The following ADGRG4 variants were observed in gnomAD, a reference collection of about 807,000 sequenced individuals.
The protein encoded by ADGRG4 is G protein-coupled receptor 112.
ADGRG4 carries 122 observed loss-of-function variants against 126.2 expected under a neutral mutation model. The ratio of observed to expected loss-of-function variants is 0.97; its 90% CI spans 0.83 to 1.12. The LOEUF (loss-of-function observed/expected upper bound fraction) is 1.12. Ranked by LOEUF, ADGRG4 falls within the 50% of genes most tolerant of loss-of-function variation. The probability of loss-of-function intolerance (pLI) is 0.00; values close to 1 mark genes in which losing one functional copy is unlikely to be tolerated. For missense variants in ADGRG4, 2,481 were observed against 2,251.8 expected, an observed-to-expected ratio of 1.10 and a Z score of -2.06; for synonymous variants, 943 against 838.7, an observed-to-expected ratio of 1.12 and a Z score of -2.15.
chrX:136,380,244 C>G (rs1371213625), intron 15 of ADGRG4, among the ~76,000 whole-genome samples: 1 of 109,829 alleles, frequency 9.1e-6, no homozygotes, highest in Non-Finnish European at 1.9e-5. Flanking sequence ...TAAAAACAAG[C>G]CTTAGGAAGG....
chrX:136,345,992 A>T lies in ADGRG4; in HGVS notation c.2286A>T (p.Lys762Asn), dbSNP rs906867618. Residue 762 changes from lysine to asparagine, a missense_variant, in exon 6 of 26, where the codon AAA becomes AAT. By Grantham distance (94) the Lys-to-Asn change is moderately conservative. Coordinates refer to ENST00000394143, the MANE Select transcript of ADGRG4 (RefSeq NM_153834.4). ...TTAAACTTACCACTTTACTACTAAA[A>T]ACAATACCTATGTCTACAAAACCTG... is the stretch of plus-strand genomic sequence containing the variant. ...PEFKLTTLLL[K>N]TIPMSTKPAN... is the part of the protein sequence containing the mutation. The T allele has an allele frequency of 5.0e-6, 6 of 1,207,099 alleles. No individual in the cohort carries two copies. The African/African-American group carries it at 1.1e-4, about 21-fold the overall frequency.
intron 8 of ADGRG4, among the ~76,000 whole-genome samples, chrX:136,355,292 G>A (rs919819299): frequency 9.1e-6 from 1 of 110,263 alleles, no homozygotes; most frequent in Non-Finnish European, 1.9e-5. Context: ...TTCCATTCAT[G>A]AGAGTTCCAC....
chrX:136,352,167 A>G (rs2075066427), intron 7 of ADGRG4, among the ~76,000 whole-genome samples: 2 of 111,868 alleles, frequency 1.8e-5, no homozygotes, highest in South Asian at 7.4e-4. Flanking sequence ...TTTACAAAAT[A>G]ATTGTAGTTG....
intron 20 of ADGRG4, among the ~76,000 whole-genome samples, chrX:136,398,268 G>A (rs1313297915): frequency 1.8e-5 from 2 of 111,792 alleles, no homozygotes; most frequent in African/African-American, 6.5e-5. Flanking sequence ...TTGATAAAGT[G>A]GACTTTATTA....
At chrX:136,351,416 A>G in intron 6 of ADGRG4, 31 bp from the exon 7 acceptor site, 1 of 854,041 alleles carries the variant, frequency 1.2e-6, no homozygotes, top group Non-Finnish European at 1.6e-6. Context: ...AACTAAATGA[A>G]TAAAATTAAC....
intron 8 of ADGRG4, among the ~76,000 whole-genome samples, chrX:136,354,354 G>A (rs1161277656): frequency 1.8e-5 from 2 of 111,698 alleles, no homozygotes; most frequent in Admixed American, 9.5e-5. Flanking sequence ...GTCTGGTGAT[G>A]GCCCTCTTCT....
In ADGRG4 at chrX:136,403,320, G is replaced by A. The variant is rs376207279; in HGVS notation, c.8652G>A (p.Pro2884=). 129 of 1,186,995 alleles carry A rather than the reference G, an allele frequency of 1.1e-4. 2 individuals carry two copies. In the Admixed American group the frequency reaches 1.3e-3, roughly 12 times the overall value. Residue 2884 remains proline, a splice_region_variant and synonymous_variant, in exon 22 of 26, where the codon CCG becomes CCA. Coordinates refer to ENST00000394143, the MANE Select transcript of ADGRG4 (RefSeq NM_153834.4). ...DLYGTLSPTT[P]FCWIKDDSIF... The stretch of plus-strand genomic sequence containing the variant: ...ATGGAACTCTGAGCCCAACAACTCC[G>A]TTGTAAGTACCAGCATCTCTGTTTC...
chrX:136,403,278 T>C lies in ADGRG4; in HGVS notation c.8610T>C (p.Ser2870=), dbSNP rs756627998. ...IPAIMVAITV[S]VKKDLYGTLS... ...CTATCATGGTGGCAATCACAGTCAG[T>C]GTGAAAAAAGATCTGTATGGAACTC... is the stretch of plus-strand genomic sequence containing the variant. Residue 2870 remains serine (S), a synonymous_variant, in exon 22 of 26, where the codon AGT becomes AGC. Transcript: ENST00000394143. The C allele has an allele frequency of 5.0e-6, 6 of 1,208,978 alleles. No homozygotes were observed. The highest frequency in any genetic ancestry group is 6.7e-6 in the Non-Finnish European group (6 of 894,119).
chrX:136,344,397 C>T lies in ADGRG4; in HGVS notation c.691C>T (p.Pro231Ser). ...TVDRTLRCFV[P>S]ENMTIQEKST... ...ATTCTTTCTGATTTTTTTAGTTGTT[C>T]CTGAAAATATGACAATTCAAGAAAA... Residue 231 changes from proline to serine, a missense_variant, in exon 6 of 26, where the codon CCT becomes TCT. By Grantham distance (74) the Pro-to-Ser change is moderately conservative (BLOSUM62 -1). Transcript: ENST00000394143. 8.8e-7 allele frequency: 1 copy of T among 1,137,869 alleles called. No individual in the cohort carries two copies. The highest frequency in any genetic ancestry group is 1.2e-6 in the Non-Finnish European group (1 of 854,274). The allele number at this position is 1,137,869 out of a possible 1,213,427, so 93.8% of individuals were successfully genotyped here. A position where few individuals can be genotyped will look rare whatever the true frequency, so the allele number is the denominator to read the frequency against.
intron 23 of ADGRG4, among the ~76,000 whole-genome samples, chrX:136,407,128 AT>A (rs774022955): frequency 6.3e-5 from 7 of 110,782 alleles, no homozygotes; most frequent in Admixed American, 1.9e-4. Context: ...TTGGCATTTC[AT>A]TGAGTTAGAG....
intron 5 of ADGRG4, among the ~76,000 whole-genome samples, chrX:136,333,775 A>C (rs541041936): frequency 3.9e-4 from 44 of 111,743 alleles, no homozygotes; most frequent in African/African-American, 1.4e-3. Flanking sequence ...GCCTTGGCCT[A>C]CCAAAGTGCT....
Position 136,345,817 on chromosome X carries a change from C to T in ADGRG4, c.2111C>T (p.Pro704Leu), listed in dbSNP as rs760483906. The change falls in exon 6 of 26, where the codon CCA becomes CTA. Residue 704 changes from proline (P) to leucine (L), a missense_variant. Pro to Leu is a moderately conservative substitution (Grantham distance 98, BLOSUM62 -3). Transcript: ENST00000394143. ...TTATCCGCAACTACCAATATCACCC[C>T]ACTGAAAGCATCTCCAGAGGGCAAA... ...EYLSATTNITPLKASPEGKGT... is the reference protein window; with the variant it reads ...EYLSATTNITLLKASPEGKGT... 13 of 1,208,990 alleles carry T rather than the reference C, an allele frequency of 1.1e-5. No homozygotes were observed. In the Admixed American group the frequency reaches 2.0e-4, roughly 18 times the overall value.
chrX:136,356,165 TGTAA>T lies in ADGRG4; in HGVS notation c.6927+5_6927+8del, dbSNP rs2075092418. ...AAGAGATGGTCATGGATCGAGCTAT[TGTAA>T]GTAATTTTTCAAAATGAATCTACTT... On this transcript the variant is annotated splice_donor_variant and splice_donor_region_variant and intron_variant, in intron 9 of 25. Transcript: ENST00000394143. LOFTEE classifies it high-confidence loss of function. The T allele has an allele frequency of 1.7e-6, 2 of 1,166,783 alleles. No homozygotes were observed. Among genetic ancestry groups the T allele is most frequent in the Non-Finnish European group, 2.3e-6 (2 of 860,310 alleles).
rs745465701 is a variant in ADGRG4, at chrX:136,359,459, AT to A, written c.7144+11del. The A allele has an allele frequency of 7.6e-6, 9 of 1,181,542 alleles. No individual in the cohort carries two copies. The highest frequency in any genetic ancestry group is 7.1e-5 in the African/African-American group (4 of 56,678). ...CACGTTGCAGTGAAAAAACTAGGTA[AT>A]TTTTTTGGGGGGTGGATATTGCAGT... On this transcript the variant is annotated splice_donor_5th_base_variant and intron_variant, in intron 11 of 25. Coordinates refer to ENST00000394143, the MANE Select transcript of ADGRG4 (RefSeq NM_153834.4).
chrX:136,325,180 G>C (rs929420947), intron 5 of ADGRG4, among the ~76,000 whole-genome samples: 12 of 111,546 alleles, frequency 1.1e-4, no homozygotes, highest in Non-Finnish European at 1.7e-4. Context: ...CTGTTGTTAT[G>C]GGTTTTTTCC....
At chrX:136,339,721 T>A (rs1489457453) in intron 5 of ADGRG4, among the ~76,000 whole-genome samples, 1 of 112,524 alleles carries the variant, frequency 8.9e-6, no homozygotes, top group Admixed American at 9.4e-5. Flanking sequence ...CCTTTCATAG[T>A]TCTCCTTTGG....
intron 24 of ADGRG4, 74 bp from the exon 25 acceptor site, chrX:136,414,086 A>T: frequency 2.3e-6 from 2 of 870,027 alleles, no homozygotes; most frequent in South Asian, 5.6e-5. Context: ...TAATTTATAT[A>T]CCATACAATT....
chrX:136,359,705 G>A (rs1428765698), intron 11 of ADGRG4, among the ~76,000 whole-genome samples: 1 of 111,166 alleles, frequency 9.0e-6, no homozygotes, highest in African/African-American at 3.3e-5. Flanking sequence ...TGGCCAATCC[G>A]TCAATGGAAT....
intron 18 of ADGRG4, 48 bp downstream of exon 18, chrX:136,393,628 C>T (rs750678978): frequency 4.0e-6 from 4 of 1,008,639 alleles, no homozygotes; most frequent in South Asian, 2.0e-5. Flanking sequence ...ACCATTTTCC[C>T]ACTTGGCAGT....
Sources: allele counts gnomAD v4.1 joint callset (sites outside exome capture counted in the v4.1 genomes callset), GRCh38; gene constraint gnomAD v4.1.1; transcripts MANE v1.5; gene names NCBI Gene and HGNC (gene_info 2026-07-23, HGNC 2026-07-21).